HSPA4: variants seen among roughly 807,000 people sequenced by gnomAD.
The protein encoded by HSPA4 is heat shock 70 kDa protein 4.
In HSPA4, 25 loss-of-function variants were observed where a neutral mutation model predicts 106.2. The observed-to-expected ratio is 0.24, with a 90% CI of 0.17 to 0.33. HSPA4 has a LOEUF of 0.33. Among genes scored for constraint, HSPA4 ranks in the 10% least tolerant of loss-of-function variants. The probability of loss-of-function intolerance (pLI) is 1.00; values close to 1 mark genes in which losing one functional copy is unlikely to be tolerated. For missense variants in HSPA4, 841 were observed against 996.0 expected (o/e 0.84, Z 2.10); for synonymous variants, 332 against 333.6 (o/e 1.00, Z 0.05).
At chr5:133,101,165 A>AT (rs1329777483) in intron 16 of HSPA4, among the ~76,000 whole-genome samples, 2 of 152,240 alleles carry the variant, frequency 1.3e-5, no homozygotes, top group South Asian at 2.1e-4. Flanking sequence ...TTCATAAATG[A>AT]TTTTTTTGTT....
intron 15 of HSPA4, among the ~76,000 whole-genome samples, chr5:133,098,785 G>A (rs1285577112): frequency 2.6e-5 from 4 of 152,158 alleles, no homozygotes; most frequent in African/African-American, 9.6e-5. Context: ...TGATTCTTCT[G>A]CCTCAGCCTC....
chr5:133,103,266 G>T (rs1229657139), intron 17 of HSPA4, among the ~76,000 whole-genome samples: 2 of 151,684 alleles, frequency 1.3e-5, no homozygotes, highest in Admixed American at 6.6e-5. Context: ...TCATTGTGTT[G>T]TCCAGGTCTT....
rs1245698778 is a variant in HSPA4, at chr5:133,092,754, C to T, written c.1615C>T (p.Pro539Ser). 4 of 1,610,170 alleles carry T rather than the reference C, an allele frequency of 2.5e-6. No homozygotes were observed. The highest frequency in any genetic ancestry group is 2.5e-6 in the Non-Finnish European group (3 of 1,178,464). Residue 539 changes from proline to serine, a missense_variant, in exon 13 of 19, where the codon CCA (proline) becomes TCA (serine). Pro to Ser is a moderately conservative substitution (Grantham distance 74). Around this residue, in one of 5 missense-constraint regions of HSPA4, gnomAD observed 328 missense variants for 372.2 expected, o/e 0.88. Coordinates refer to ENST00000304858, the MANE Select transcript of HSPA4 (RefSeq NM_002154.4). ...TGTTGAAGAGCAACAGCAGCAGACA[C>T]CAGCAGAAAATAAGGCAGAGTCTGA... ...PHVEEQQQQT[P>S]AENKAESEEM...
chr5:133,061,360 G>A (rs1019875234), intron 1 of HSPA4, among the ~76,000 whole-genome samples: 1 of 151,954 alleles, frequency 6.6e-6, no homozygotes, highest in Non-Finnish European at 1.5e-5. Flanking sequence ...TTGATCTCGT[G>A]ATCCACCCGC....
At chr5:133,094,063 A>G (rs1422505120) in intron 13 of HSPA4, among the ~76,000 whole-genome samples, 1 of 152,164 alleles carries the variant, frequency 6.6e-6, no homozygotes, top group East Asian at 1.9e-4. Context: ...CTGCACTCCA[A>G]TTTGGGCGAC....
rs185131275 is a variant in HSPA4, at chr5:133,097,427, T to A, written c.1929+141T>A. ...TTCTGGGGGGGGCAAAATTTTATAT[T>A]TTTTTATATATTTCTCTATTAGTAC... On this transcript the variant is annotated intron_variant, in intron 15 of 18. Coordinates refer to ENST00000304858, the MANE Select transcript of HSPA4 (RefSeq NM_002154.4). 1.3e-3 allele frequency: 776 copies of A among 578,410 alleles called. 6 individuals carry two copies. Among genetic ancestry groups the A allele is most frequent in the African/African-American group, 0.013 (697 of 53,718 alleles). The allele number at this position is 578,410 out of a possible 1,614,324, so 35.8% of individuals were successfully genotyped here. A position where few individuals can be genotyped will look rare whatever the true frequency, so the allele number is the denominator to read the frequency against.
At chr5:133,054,031 G>A (rs1285540364) in intron 1 of HSPA4, among the ~76,000 whole-genome samples, 2 of 150,910 alleles carry the variant, frequency 1.3e-5, no homozygotes, top group African/African-American at 2.4e-5. Context: ...AGGTTTCAGC[G>A]AAACTAGATT....
intron 14 of HSPA4, among the ~76,000 whole-genome samples, chr5:133,096,543 A>G (rs1765714261): frequency 6.6e-6 from 1 of 152,148 alleles, no homozygotes; most frequent in Non-Finnish European, 1.5e-5. Flanking sequence ...ACGTGGGTAT[A>G]TTTGTTCACT....
In HSPA4 at chr5:133,076,661, C is replaced by G. The variant is rs1206599877; in HGVS notation, c.671C>G (p.Ala224Gly). The change falls in exon 7 of 19, where the codon GCC becomes GGC. Residue 224 changes from alanine (A) to glycine (G), a missense_variant. Ala to Gly is a moderately conservative substitution (Grantham distance 60, BLOSUM62 0). Coordinates refer to ENST00000304858, the MANE Select transcript of HSPA4 (RefSeq NM_002154.4). ...AFNRGKLKVL[A>G]TAFDTTLGGR... Reference sequence around the variant, plus strand: ...TCTCATTTTTTCCTTAAGGTTCTGGCCACTGCATTTGACACGACATTGGGA... The same window carrying G: ...TCTCATTTTTTCCTTAAGGTTCTGGGCACTGCATTTGACACGACATTGGGA... 6.2e-7 allele frequency: 1 copy of G among 1,612,484 alleles called. No homozygotes were observed. Among genetic ancestry groups the G allele is most frequent in the African/African-American group, 1.3e-5 (1 of 74,806 alleles).
In HSPA4 at chr5:133,090,172, C is replaced by T. The variant is rs187748745; in HGVS notation, c.1378+477C>T. Among the ~76,000 whole-genome samples, 23 of 152,144 alleles carry T rather than the reference C, an allele frequency of 1.5e-4. 1 individual carries two copies. In the East Asian group the frequency reaches 3.9e-3, roughly 26 times the overall value. ...GAAAATAGCCAGGTGCGGTGGCTCA[C>T]GCCTGTAATCCCAGCACTTTGGGAG... On this transcript the variant is annotated intron_variant, in intron 11 of 18. Coordinates refer to ENST00000304858, the MANE Select transcript of HSPA4 (RefSeq NM_002154.4).
intron 6 of HSPA4, among the ~76,000 whole-genome samples, chr5:133,074,682 A>G (rs946797760): frequency 9.9e-5 from 15 of 152,160 alleles, no homozygotes; most frequent in African/African-American, 3.1e-4. Context: ...AGTGTTCTGG[A>G]AAAGGGGTTT....
chr5:133,084,964 T>C (rs1213904796), intron 7 of HSPA4, among the ~76,000 whole-genome samples: 2 of 152,068 alleles, frequency 1.3e-5, no homozygotes, highest in African/African-American at 4.8e-5. Flanking sequence ...TGCGCCACCA[T>C]GCCTGGCTAA....
chr5:133,067,321 A>G, intron 2 of HSPA4, 96 bp from the exon 3 acceptor site: 2 of 1,058,422 alleles, frequency 1.9e-6, no homozygotes, highest in Non-Finnish European at 2.8e-6. Context: ...AGGAGACTCT[A>G]TATAAAGTTA....
At chr5:133,081,022 AAT>A (rs1765508100) in intron 7 of HSPA4, among the ~76,000 whole-genome samples, 1 of 152,114 alleles carries the variant, frequency 6.6e-6, no homozygotes, top group South Asian at 2.1e-4. Flanking sequence ...GGCAATTACC[AAT>A]ATGTTTTCTG....
rs755435067 is a variant in HSPA4 at position 133,098,143 on chromosome 5, T to C, written c.1929+857T>C. Among the ~76,000 whole-genome samples, 7 of 152,256 alleles carry C rather than the reference T, an allele frequency of 4.6e-5. No homozygotes were observed. The East Asian group carries it at 5.8e-4, about 13-fold the overall frequency. On this transcript the variant is annotated intron_variant, in intron 15 of 18. Transcript: ENST00000304858. ...TGCTCCATAGCTTAGCTCCTACTTA[T>C]AAGGGAAAACATAGCAGTATTTGGT...
At chr5:133,070,929 G>T (rs1385914077) in intron 4 of HSPA4, among the ~76,000 whole-genome samples, 1 of 151,936 alleles carries the variant, frequency 6.6e-6, no homozygotes, top group East Asian at 1.9e-4. Context: ...TATGAAACTA[G>T]TCTTCATTTT....
At chr5:133,056,795 T>TA (rs1765170996) in intron 1 of HSPA4, among the ~76,000 whole-genome samples, 1 of 152,208 alleles carries the variant, frequency 6.6e-6, no homozygotes, top group South Asian at 2.1e-4. Flanking sequence ...TTTACACAAA[T>TA]ATAACAGATT....
Position 133,052,073 on chromosome 5 carries a change from T to G in HSPA4, c.-178T>G. ...TGCGGCCACTGAGCCGGAGCCGGCCTGAGCAGCGCTCTCGGTTGCAGTACC... is the reference window on the plus strand; with the variant it reads ...TGCGGCCACTGAGCCGGAGCCGGCCGGAGCAGCGCTCTCGGTTGCAGTACC... On this transcript the variant is annotated 5_prime_UTR_variant, in exon 1 of 19. Transcript: ENST00000304858. 1.8e-6 allele frequency: 1 copy of G among 559,758 alleles called. No individual in the cohort carries two copies. The highest frequency in any genetic ancestry group is 4.7e-4 in the Middle Eastern group (1 of 2,136). 34.7% of individuals were successfully genotyped at this position (559,758 alleles called of 1,614,324 possible). A position where few individuals can be genotyped will look rare whatever the true frequency, so the allele number is the denominator to read the frequency against.
chr5:133,065,084 C>G, intron 2 of HSPA4, 47 bp downstream of exon 2: 1 of 1,517,342 alleles, frequency 6.6e-7, no homozygotes, highest in Non-Finnish European at 9.2e-7. Context: ...TCCTCTTCAT[C>G]CATGTGTTCA....
Sources: allele counts gnomAD v4.1 joint callset (sites outside exome capture counted in the v4.1 genomes callset), GRCh38; gene constraint gnomAD v4.1.1; regional missense constraint gnomAD v4.1.1; transcripts MANE v1.5; gene names NCBI Gene and HGNC (gene_info 2026-07-23, HGNC 2026-07-21).